SLC4A10: variants seen among roughly 807,000 people sequenced by gnomAD.
SLC4A10 encodes solute carrier family 4 member 10, also known as sodium-driven chloride bicarbonate exchanger.
A neutral mutation model predicts 137.7 loss-of-function variants in SLC4A10; 42 were observed. That is an observed-to-expected ratio of 0.30 (90% CI 0.24 to 0.39). The LOEUF (loss-of-function observed/expected upper bound fraction) is 0.39. Ranked by LOEUF, SLC4A10 falls within the 10% of genes least tolerant of loss-of-function variation. The probability of loss-of-function intolerance (pLI) is 1.00; values close to 1 mark genes in which losing one functional copy is unlikely to be tolerated. For missense variants in SLC4A10, 925 were observed against 1,355.0 expected (o/e 0.68, Z 4.98); for synonymous variants, 474 against 464.1 (o/e 1.02, Z -0.27).
chr2:161,956,733 G>A (rs933465596), intron 19 of SLC4A10, among the ~76,000 whole-genome samples: 4 of 152,186 alleles, frequency 2.6e-5, no homozygotes, highest in Non-Finnish European at 5.9e-5. Flanking sequence ...ATTAGAACAA[G>A]ATAGCACTAT....
chr2:161,648,600 A>G (rs1379341107), intron 1 of SLC4A10, among the ~76,000 whole-genome samples: 1 of 152,178 alleles, frequency 6.6e-6, no homozygotes, highest in African/African-American at 2.4e-5. Flanking sequence ...TTGATCACCA[A>G]CCCTGAGTGT....
At chr2:161,680,725 A>G (rs2040762809) in intron 1 of SLC4A10, among the ~76,000 whole-genome samples, 1 of 152,166 alleles carries the variant, frequency 6.6e-6, no homozygotes, top group Non-Finnish European at 1.5e-5. Context: ...ACAAATAAAA[A>G]TTGTATATAT....
chr2:161,796,453 C>A (rs1014015436), intron 2 of SLC4A10, among the ~76,000 whole-genome samples: 2 of 152,112 alleles, frequency 1.3e-5, no homozygotes, highest in Non-Finnish European at 2.9e-5. Flanking sequence ...ATCCAGCCAG[C>A]TAGGCTGGGC....
chr2:161,903,625 A>G (rs1683637113), intron 12 of SLC4A10, among the ~76,000 whole-genome samples: 1 of 152,204 alleles, frequency 6.6e-6, no homozygotes, highest in Non-Finnish European at 1.5e-5. Flanking sequence ...GGAATTAAAC[A>G]TTTAGAAATA....
intron 1 of SLC4A10, among the ~76,000 whole-genome samples, chr2:161,733,178 A>G (rs1469413913): frequency 6.6e-6 from 1 of 152,196 alleles, no homozygotes; most frequent in Non-Finnish European, 1.5e-5. Context: ...CAATGGGGAA[A>G]ATATCTCCAG....
intron 1 of SLC4A10, among the ~76,000 whole-genome samples, chr2:161,647,539 A>G (rs747655795): frequency 1.4e-4 from 22 of 152,098 alleles, no homozygotes; most frequent in Admixed American, 3.3e-4. Flanking sequence ...CAAAATTTGA[A>G]ATGAATTTTA....
chr2:161,912,630 G>A (rs1257444505), intron 15 of SLC4A10, among the ~76,000 whole-genome samples: 1 of 152,054 alleles, frequency 6.6e-6, no homozygotes, highest in African/African-American at 2.4e-5. Context: ...TAGCATTAAA[G>A]TAGAGAGACT....
chr2:161,930,057 T>C (rs1459670620), intron 15 of SLC4A10, among the ~76,000 whole-genome samples: 1 of 152,182 alleles, frequency 6.6e-6, no homozygotes, highest in East Asian at 1.9e-4. Context: ...CTTGGAATAA[T>C]AAATATACAT....
intron 15 of SLC4A10, among the ~76,000 whole-genome samples, chr2:161,916,072 T>C (rs1314528116): frequency 6.6e-6 from 1 of 152,200 alleles, no homozygotes; most frequent in Non-Finnish European, 1.5e-5. Context: ...ACCAACCCTG[T>C]TGGCACCTTG....
chr2:161,774,700 G>A (rs1161314969), intron 2 of SLC4A10, among the ~76,000 whole-genome samples: 2 of 151,832 alleles, frequency 1.3e-5, no homozygotes, highest in Non-Finnish European at 2.9e-5. Context: ...ACTGTGAAGG[G>A]CTAGCCTAGC....
Position 161,904,191 on chromosome 2 carries a change from C to T in SLC4A10, c.1617+13C>T. On this transcript the variant is annotated intron_variant, in intron 13 of 26. Coordinates refer to ENST00000446997, the MANE Select transcript of SLC4A10 (RefSeq NM_001178015.2). ...TGAAGGGCGTATAGTATGTATTATG[C>T]TTTTCTCTGAACTTTGAAACATAAT... 1 of 1,586,700 alleles carries T rather than the reference C, an allele frequency of 6.3e-7. No individual in the cohort carries two copies. Among genetic ancestry groups the T allele is most frequent in the Non-Finnish European group, 8.6e-7 (1 of 1,165,378 alleles).
intron 3 of SLC4A10, among the ~76,000 whole-genome samples, chr2:161,805,654 T>C (rs2055865001): frequency 6.6e-6 from 1 of 152,208 alleles, no homozygotes; most frequent in Non-Finnish European, 1.5e-5. Flanking sequence ...TCCGAAATGA[T>C]CTCCTTTTAC....
intron 1 of SLC4A10, among the ~76,000 whole-genome samples, chr2:161,745,993 C>T (rs1383580884): frequency 6.6e-6 from 1 of 152,126 alleles, no homozygotes; most frequent in Non-Finnish European, 1.5e-5. Flanking sequence ...TTCAAGCACT[C>T]CTATGGCCAC....
chr2:161,687,714 A>G (rs187674653), intron 1 of SLC4A10, among the ~76,000 whole-genome samples: 247 of 152,246 alleles, frequency 1.6e-3, no homozygotes, highest in African/African-American at 5.7e-3. Flanking sequence ...GGTCGATGTA[A>G]GTGAATCAGG....
chr2:161,860,900 T>C (rs1453659972), intron 5 of SLC4A10, among the ~76,000 whole-genome samples: 2 of 152,216 alleles, frequency 1.3e-5, no homozygotes, highest in East Asian at 3.8e-4. Context: ...TGATTATATT[T>C]TAAATGGTTG....
intron 1 of SLC4A10, among the ~76,000 whole-genome samples, chr2:161,729,972 CAAGAT>C (rs1364528353): frequency 6.6e-6 from 1 of 152,084 alleles, no homozygotes; most frequent in Non-Finnish European, 1.5e-5. Context: ...TAAAGCCGGC[CAAGAT>C]AAGGCTTCTT....
intron 3 of SLC4A10, among the ~76,000 whole-genome samples, chr2:161,825,260 C>CT (rs1418363209): frequency 6.6e-6 from 1 of 151,868 alleles, no homozygotes; most frequent in Non-Finnish European, 1.5e-5. Context: ...ACTGTAGTTG[C>CT]TTTTTTTTCT....
chr2:161,939,493 A>G lies in SLC4A10; in HGVS notation c.1998-3299A>G, dbSNP rs990932337. ...CCCTGTAACCTCTGTAGCTATAAGTATATAGCCACAATTAACATATGTAGA... is the reference window on the plus strand; with the variant it reads ...CCCTGTAACCTCTGTAGCTATAAGTGTATAGCCACAATTAACATATGTAGA... On this transcript the variant is annotated intron_variant, in intron 15 of 26. Transcript: ENST00000446997. 3.9e-5 allele frequency among the ~76,000 whole-genome samples: 6 copies of G among 152,278 alleles called. No individual in the cohort carries two copies. The South Asian group carries it at 6.2e-4, about 16-fold the overall frequency.
intron 21 of SLC4A10, among the ~76,000 whole-genome samples, chr2:161,958,819 A>T (rs945219235): frequency 6.6e-6 from 1 of 152,216 alleles, no homozygotes; most frequent in Non-Finnish European, 1.5e-5. Context: ...TAGAAAAATC[A>T]TAGTAGTATA....
Sources: gnomAD v4.1 joint callset for allele counts (sites outside exome capture counted in the v4.1 genomes callset) on GRCh38, gnomAD v4.1.1 for gene constraint, MANE v1.5 for transcripts, NCBI Gene and HGNC (gene_info 2026-07-23, HGNC 2026-07-21) for gene names.